Variants in PACRG observed in about 807,000 individuals in gnomAD.
PACRG encodes parkin coregulated, also known as parkin coregulated gene protein.
Under a neutral mutation model 29.7 loss-of-function variants are expected in PACRG, and 29 were observed. That is an observed-to-expected ratio of 0.98 (90% CI 0.73 to 1.33). The LOEUF is 1.33. PACRG is among the 40% of genes most tolerant of loss of function. PACRG has a pLI of 0.00. For synonymous variants in PACRG, 116 were observed against 118.7 expected (o/e 0.98, Z 0.15); for missense variants, 279 against 316.2 (o/e 0.88, Z 0.89).
intron 2 of PACRG, among the ~76,000 whole-genome samples, chr6:162,844,862 G>A (rs1790215342): frequency 6.6e-6 from 1 of 152,150 alleles, no homozygotes; most frequent in African/African-American, 2.4e-5. Flanking sequence ...TTCTGTACCA[G>A]TTACTCCATC....
At chr6:162,906,576 G>C (rs1280946121) in intron 2 of PACRG, among the ~76,000 whole-genome samples, 2 of 152,192 alleles carry the variant, frequency 1.3e-5, no homozygotes, top group Admixed American at 1.3e-4. Context: ...CATAGATCAA[G>C]CACTGATGAA....
intron 4 of PACRG, among the ~76,000 whole-genome samples, chr6:163,236,930 G>A (rs540816984): frequency 2.0e-5 from 3 of 152,170 alleles, no homozygotes; most frequent in African/African-American, 7.2e-5. Flanking sequence ...AGCAAAGGGG[G>A]AAGTGCTACA....
intron 2 of PACRG, among the ~76,000 whole-genome samples, chr6:163,007,969 C>T (rs1472495165): frequency 1.3e-5 from 2 of 152,134 alleles, no homozygotes; most frequent in Non-Finnish European, 2.9e-5. Flanking sequence ...TAAGTCCCCT[C>T]TCTCAAGACT....
intron 2 of PACRG, among the ~76,000 whole-genome samples, chr6:162,863,486 T>C (rs1343058947): frequency 6.6e-6 from 1 of 152,200 alleles, no homozygotes; most frequent in East Asian, 1.9e-4. Context: ...CCCTAAAAGG[T>C]AAACTTGTCT....
At chr6:162,969,046 C>CAAAAAAAAAAAAAA (rs35665491) in intron 2 of PACRG, among the ~76,000 whole-genome samples, 9 of 72,830 alleles carry the variant, frequency 1.2e-4, no homozygotes, top group Admixed American at 3.9e-4. Flanking sequence ...GACTCTATCA[C>CAAAAAAAAAAAAAA]AAAAAAAAAA....
At chr6:163,121,785 CCCGAGTAGCT>C (rs1485123930) in intron 4 of PACRG, among the ~76,000 whole-genome samples, 2 of 151,538 alleles carry the variant, frequency 1.3e-5, no homozygotes, top group Non-Finnish European at 2.9e-5. Context: ...GCCTCAGCCT[CCCGAGTAGCT>C]GGGACCACAG....
intron 2 of PACRG, among the ~76,000 whole-genome samples, chr6:162,916,342 G>C (rs1215407029): frequency 6.6e-6 from 1 of 152,028 alleles, no homozygotes; most frequent in Non-Finnish European, 1.5e-5. Flanking sequence ...TTCAACAGTT[G>C]GACTATGATG....
At chr6:162,828,327 G>A (rs754738057) in intron 2 of PACRG, among the ~76,000 whole-genome samples, 1 of 152,118 alleles carries the variant, frequency 6.6e-6, no homozygotes, top group Non-Finnish European at 1.5e-5. Context: ...AAAAGTGTTT[G>A]TTCATTTAAA....
chr6:163,234,406 A>G (rs1342376547), intron 4 of PACRG, among the ~76,000 whole-genome samples: 2 of 152,160 alleles, frequency 1.3e-5, no homozygotes, highest in Admixed American at 6.5e-5. Flanking sequence ...CTCTCTGGCC[A>G]TGTGATCTCT....
intron 4 of PACRG, among the ~76,000 whole-genome samples, chr6:163,270,918 A>C (rs1783802128): frequency 6.6e-6 from 1 of 152,192 alleles, no homozygotes; most frequent in African/African-American, 2.4e-5. Context: ...CAGAACTAAT[A>C]GGATAGATGA....
At chr6:162,982,669 C>T (rs111576692) in intron 2 of PACRG, among the ~76,000 whole-genome samples, 1,963 of 151,952 alleles carry the variant, frequency 0.013, 39 homozygotes, top group African/African-American at 0.044. Flanking sequence ...TGAGAGAGTA[C>T]TTGATATAAA....
At chr6:163,089,164 A>G (rs1813865770) in intron 3 of PACRG, 95 bp from the exon 4 acceptor site, 1 of 1,349,332 alleles carries the variant, frequency 7.4e-7, no homozygotes, top group Admixed American at 2.1e-5. Context: ...GCACAGTTTA[A>G]TTAAATGCAA....
chr6:162,756,678 C>A (rs1016330800), intron 1 of PACRG, among the ~76,000 whole-genome samples: 1 of 151,898 alleles, frequency 6.6e-6, no homozygotes, highest in Non-Finnish European at 1.5e-5. Flanking sequence ...CTTGCTATTG[C>A]CATTTTGTAA....
At chr6:162,871,842 T>A (rs949400940) in intron 2 of PACRG, among the ~76,000 whole-genome samples, 11 of 151,752 alleles carry the variant, frequency 7.2e-5, no homozygotes, top group African/African-American at 2.2e-4. Context: ...GGCGTGAACC[T>A]GGGAGGCGGA....
intron 1 of PACRG, among the ~76,000 whole-genome samples, chr6:162,749,799 C>T (rs996952382): frequency 3.3e-5 from 5 of 152,140 alleles, no homozygotes; most frequent in Non-Finnish European, 5.9e-5. Context: ...GCATTATAGA[C>T]GTGAGCCACC....
intron 2 of PACRG, among the ~76,000 whole-genome samples, chr6:162,893,842 G>A (rs1173700278): frequency 6.6e-6 from 1 of 152,182 alleles, no homozygotes; most frequent in Non-Finnish European, 1.5e-5. Flanking sequence ...GTAATCAATG[G>A]TATTGCCCTG....
rs77980476 is a variant in PACRG, at chr6:163,058,304, C to T, written c.292-3846C>T. 1.1e-4 allele frequency among the ~76,000 whole-genome samples: 17 copies of T among 152,220 alleles called. No individual in the cohort carries two copies. In the East Asian group the frequency reaches 2.1e-3, roughly 19 times the overall value. Reference sequence around the variant, plus strand: ...CAGGTGAGAGCTGCCTATTGGGCACCGTAGAATCCAGCAGCTCCTTACACA... The same window carrying T: ...CAGGTGAGAGCTGCCTATTGGGCACTGTAGAATCCAGCAGCTCCTTACACA... On this transcript the variant is annotated intron_variant, in intron 2 of 4. Coordinates refer to ENST00000366888, the MANE Select transcript of PACRG (RefSeq NM_001080379.2).
intron 4 of PACRG, among the ~76,000 whole-genome samples, chr6:163,162,390 T>A (rs1254553212): frequency 6.6e-6 from 1 of 152,194 alleles, no homozygotes; most frequent in Non-Finnish European, 1.5e-5. Flanking sequence ...TGATGCCAAT[T>A]TCTAATCCCA....
intron 2 of PACRG, among the ~76,000 whole-genome samples, chr6:162,931,390 A>T (rs947209845): frequency 7.9e-5 from 12 of 151,828 alleles, no homozygotes; most frequent in Non-Finnish European, 4.4e-5. Flanking sequence ...TATAAAAAAA[A>T]ATTTGCCTAA....
Sources: gnomAD v4.1 joint callset for allele counts (sites outside exome capture counted in the v4.1 genomes callset) on GRCh38, gnomAD v4.1.1 for gene constraint, MANE v1.5 for transcripts, NCBI Gene and HGNC (gene_info 2026-07-23, HGNC 2026-07-21) for gene names.